Variants in AGMO observed in about 807,000 individuals in gnomAD.
AGMO encodes the protein glyceryl-ether monooxygenase.
AGMO carries 75 observed loss-of-function variants against 60.2 expected under a neutral mutation model. The observed-to-expected ratio is 1.25, with a 90% CI of 1.03 to 1.51. The LOEUF is 1.51. Among genes scored for constraint, AGMO ranks in the 40% most tolerant of loss-of-function variants. The pLI is 0.00. For missense variants in AGMO, 763 were observed against 525.5 expected, an observed-to-expected ratio of 1.45 and a Z score of -4.42; for synonymous variants, 261 against 177.1, an observed-to-expected ratio of 1.47 and a Z score of -3.76.
intron 3 of AGMO, among the ~76,000 whole-genome samples, chr7:15,451,148 C>A (rs1314867540): frequency 1.3e-5 from 2 of 151,812 alleles, no homozygotes; most frequent in Admixed American, 1.3e-4. Flanking sequence ...TTTCTGTAGC[C>A]TTTTCATTAA....
intron 12 of AGMO, among the ~76,000 whole-genome samples, chr7:15,285,351 A>G (rs1189672312): frequency 6.6e-6 from 1 of 151,938 alleles, no homozygotes; most frequent in Non-Finnish European, 1.5e-5. Context: ...CCATAAGACT[A>G]CTAGATTTGA....
intron 12 of AGMO, among the ~76,000 whole-genome samples, chr7:15,275,578 C>T (rs892877465): frequency 1.3e-5 from 2 of 152,004 alleles, no homozygotes; most frequent in Admixed American, 1.3e-4. Flanking sequence ...TCTACAGTCC[C>T]CTTTAAGGTT....
chr7:15,446,065 A>G (rs949813103), intron 3 of AGMO, among the ~76,000 whole-genome samples: 2 of 152,220 alleles, frequency 1.3e-5, no homozygotes, highest in Non-Finnish European at 2.9e-5. Flanking sequence ...TTTCAAAACT[A>G]TCGTACATGT....
At chr7:15,118,407 T>G in the AGMO span, among the ~76,000 whole-genome samples, 2 of 151,992 alleles carry the variant, frequency 1.3e-5, no homozygotes. Flanking sequence ...GAAGCTATAT[T>G]CTCCAGGGAG....
chr7:15,368,676 AG>A (rs1387419959), intron 10 of AGMO, among the ~76,000 whole-genome samples: 2 of 152,286 alleles, frequency 1.3e-5, no homozygotes, highest in Non-Finnish European at 2.9e-5. Flanking sequence ...TACTATGTTC[AG>A]GAGCTTAGGC....
rs948910322 is a variant in AGMO at position 15,289,773 on chromosome 7, A to G, written c.1263+75741T>C. Among the ~76,000 whole-genome samples the G allele has an allele frequency of 2.6e-5, 4 of 152,000 alleles. No individual in the cohort carries two copies. In the East Asian group the frequency reaches 5.8e-4, roughly 22 times the overall value. On this transcript the variant is annotated intron_variant, in intron 12 of 12. Transcript: ENST00000342526. Reference sequence around the variant, plus strand: ...CTGTGGCTCAATTAACTGATCTGTTAAAACAGAGGAAATGAACATTGTTTA... The same window carrying G: ...CTGTGGCTCAATTAACTGATCTGTTGAAACAGAGGAAATGAACATTGTTTA...
intron 3 of AGMO, among the ~76,000 whole-genome samples, chr7:15,468,869 A>C (rs1583583944): frequency 6.6e-6 from 1 of 152,118 alleles, no homozygotes; most frequent in Non-Finnish European, 1.5e-5. Flanking sequence ...GTAAACTGTG[A>C]GATAAATTTC....
At chr7:15,338,592 C>T (rs1372456043) in intron 12 of AGMO, among the ~76,000 whole-genome samples, 1 of 152,014 alleles carries the variant, frequency 6.6e-6, no homozygotes, top group African/African-American at 2.4e-5. Flanking sequence ...TGCTATAGTT[C>T]CTAAAAACTG....
intron 6 of AGMO, among the ~76,000 whole-genome samples, chr7:15,391,339 G>A (rs1477331219): frequency 1.3e-5 from 2 of 151,868 alleles, no homozygotes; most frequent in African/African-American, 4.8e-5. Flanking sequence ...GTTTCAGGAA[G>A]GAAATTTTCT....
chr7:15,326,078 G>GT (rs986263276), intron 12 of AGMO, among the ~76,000 whole-genome samples: 9 of 151,812 alleles, frequency 5.9e-5, no homozygotes, highest in African/African-American at 1.5e-4. Flanking sequence ...ATAGATACAG[G>GT]TTTTTTTTAA....
intron 5 of AGMO, among the ~76,000 whole-genome samples, chr7:15,416,027 C>CTTTTTTTTTTTT (rs759040945): frequency 4.6e-5 from 6 of 130,894 alleles, no homozygotes; most frequent in East Asian, 2.2e-4. Flanking sequence ...TTCTTTTTTT[C>CTTTTTTTTTTTT]TTTTTTTTTT....
intron 12 of AGMO, among the ~76,000 whole-genome samples, chr7:15,263,270 T>C (rs1384112831): frequency 6.6e-6 from 1 of 151,838 alleles, no homozygotes; most frequent in African/African-American, 2.4e-5. Flanking sequence ...GCTAAGGACA[T>C]GAATAGACAA....
At chr7:15,389,603 T>C (rs1784057661) in intron 8 of AGMO, among the ~76,000 whole-genome samples, 1 of 152,160 alleles carries the variant, frequency 6.6e-6, no homozygotes, top group South Asian at 2.1e-4. Flanking sequence ...GAATTTGTTA[T>C]GGCCCTTTAC....
the AGMO span, among the ~76,000 whole-genome samples, chr7:15,160,463 T>C: frequency 6.6e-6 from 1 of 152,182 alleles, no homozygotes; most frequent in Non-Finnish European, 1.5e-5. Context: ...GAACTGTATA[T>C]TTGTATTATC....
chr7:15,296,901 C>T (rs1193981008), intron 12 of AGMO, among the ~76,000 whole-genome samples: 3 of 152,122 alleles, frequency 2.0e-5, no homozygotes, highest in Non-Finnish European at 4.4e-5. Flanking sequence ...TTCCATTTTT[C>T]CACATCATCA....
intron 12 of AGMO, among the ~76,000 whole-genome samples, chr7:15,352,455 T>C (rs1563103533): frequency 6.6e-6 from 1 of 151,912 alleles, no homozygotes; most frequent in African/African-American, 2.4e-5. Context: ...ATGTTTTTTT[T>C]TTTTTTTCCT....
At chr7:15,296,883 GTTCT>G in intron 12 of AGMO, among the ~76,000 whole-genome samples, 1 of 152,256 alleles carries the variant, frequency 6.6e-6, no homozygotes, top group South Asian at 2.1e-4. Flanking sequence ...GTGTTTTGTG[GTTCT>G]TTCTTCCATT....
intron 12 of AGMO, among the ~76,000 whole-genome samples, chr7:15,251,173 T>G (rs1490843072): frequency 6.6e-6 from 1 of 152,164 alleles, no homozygotes; most frequent in Admixed American, 6.5e-5. Context: ...CTGGTCCCAT[T>G]AGCTATACCT....
downstream of AGMO, among the ~76,000 whole-genome samples, chr7:15,197,277 T>G (rs1408290330): frequency 1.3e-5 from 2 of 152,220 alleles, no homozygotes; most frequent in Non-Finnish European, 2.9e-5. Context: ...ATCCTATTAC[T>G]GTACACTATA....
Sources: gnomAD v4.1 joint callset for allele counts (sites outside exome capture counted in the v4.1 genomes callset) on GRCh38, gnomAD v4.1.1 for gene constraint, MANE v1.5 for transcripts, NCBI Gene and HGNC (gene_info 2026-07-23, HGNC 2026-07-21) for gene names.